Variants in C7 observed in about 807,000 individuals in gnomAD.
C7 encodes the protein complement component C7.
Under a neutral mutation model 104.8 loss-of-function variants are expected in C7, and 83 were observed. That is an observed-to-expected ratio of 0.79 (90% CI 0.66 to 0.95). C7 has a LOEUF of 0.95. Ranked by LOEUF, C7 falls within the 40% of genes least tolerant of loss-of-function variation. C7 has a pLI of 0.00. For synonymous variants in C7, 415 were observed against 360.6 expected (o/e 1.15, Z -1.71); for missense variants, 1,070 against 1,011.2 (o/e 1.06, Z -0.79).
At chr5:40,921,445 T>G (rs1739436292) in intron 1 of C7, among the ~76,000 whole-genome samples, 1 of 151,890 alleles carries the variant, frequency 6.6e-6, no homozygotes. Context: ...TTCACAGACA[T>G]AGAAAAAATT....
At chr5:40,920,031 A>G (rs1010479147) in intron 1 of C7, among the ~76,000 whole-genome samples, 2 of 152,136 alleles carry the variant, frequency 1.3e-5, no homozygotes, top group African/African-American at 4.8e-5. Context: ...AAACAATACA[A>G]AAGATAGATA....
rs543900952 is a variant in C7 at position 40,983,971 on chromosome 5, G to C, written c.*2398G>C. 1.3e-5 allele frequency among the ~76,000 whole-genome samples: 2 copies of C among 152,238 alleles called. No homozygotes were observed. Among genetic ancestry groups the C allele is most frequent in the East Asian group, 3.9e-4 (2 of 5,152 alleles). ...GGAACAGACAAAGAGAAGGAAATTGGCTGGTGCATTAATCATCACTAGCTT... is the reference window on the plus strand; with the variant it reads ...GGAACAGACAAAGAGAAGGAAATTGCCTGGTGCATTAATCATCACTAGCTT... On this transcript the variant is annotated 3_prime_UTR_variant, in exon 18 of 18. Transcript: ENST00000313164.
chr5:40,950,176 ATTT>A, intron 9 of C7, among the ~76,000 whole-genome samples, 162 bp downstream of exon 9: 1 of 151,940 alleles, frequency 6.6e-6, no homozygotes, highest in South Asian at 2.1e-4. Flanking sequence ...CCCACTAGTT[ATTT>A]TTTCCTGATC....
chr5:40,973,057 T>C (rs1250151746), intron 15 of C7, among the ~76,000 whole-genome samples: 1 of 152,238 alleles, frequency 6.6e-6, no homozygotes, highest in Admixed American at 6.5e-5. Flanking sequence ...GAAAGCATTT[T>C]CATTTAACAC....
chr5:40,930,277 C>A (rs914548712), intron 2 of C7, among the ~76,000 whole-genome samples: 1 of 141,382 alleles, frequency 7.1e-6, no homozygotes, highest in East Asian at 2.1e-4. Context: ...GCAATCTCAG[C>A]TCACTGCAAC....
chr5:40,913,956 G>T (rs1739263377), intron 1 of C7, among the ~76,000 whole-genome samples: 1 of 152,168 alleles, frequency 6.6e-6, no homozygotes. Flanking sequence ...TGGGATTACA[G>T]GCGTGAGTCA....
At chr5:40,920,511 GA>G (rs1732747444) in intron 1 of C7, among the ~76,000 whole-genome samples, 2 of 141,182 alleles carry the variant, frequency 1.4e-5, no homozygotes. Flanking sequence ...TAAAAAGATT[GA>G]ATCTGTAATA....
At chr5:40,925,490 CT>C (rs1739532722) in intron 1 of C7, among the ~76,000 whole-genome samples, 3 of 152,300 alleles carry the variant, frequency 2.0e-5, no homozygotes, top group Admixed American at 1.3e-4. Context: ...ATTTTTCTAT[CT>C]TCTTTGGAGC....
At chr5:40,970,865 C>G (rs561756875) in intron 14 of C7, among the ~76,000 whole-genome samples, 1 of 152,118 alleles carries the variant, frequency 6.6e-6, no homozygotes, top group Non-Finnish European at 1.5e-5. Flanking sequence ...ATTTTCTGTT[C>G]CTGTGTTAGT....
At chr5:40,924,325 C>A (rs1023418274) in intron 1 of C7, among the ~76,000 whole-genome samples, 1 of 152,192 alleles carries the variant, frequency 6.6e-6, no homozygotes, top group African/African-American at 2.4e-5. Flanking sequence ...GGACATACTG[C>A]TGTGAGGGGT....
chr5:40,921,626 T>C lies in C7; in HGVS notation c.7-6954T>C, dbSNP rs565974435. 3.3e-5 allele frequency among the ~76,000 whole-genome samples: 5 copies of C among 151,270 alleles called. No homozygotes were observed. In the East Asian group the frequency reaches 5.8e-4, roughly 18 times the overall value. On this transcript the variant is annotated intron_variant, in intron 1 of 17. Coordinates refer to ENST00000313164, the MANE Select transcript of C7 (RefSeq NM_000587.4). ...TATACAAAAAAAAAAAGTAGTATGC[T>C]AACAAAAATAGCATACTACTGTCCT... is the stretch of plus-strand genomic sequence containing the variant.
chr5:40,962,326 CT>C lies in C7; in HGVS notation c.1749+161del, dbSNP rs1449735288. On this transcript the variant is annotated intron_variant, in intron 13 of 17. Transcript: ENST00000313164. ...TAGTGGTGAGGGTTTTAGTGTGTGA[CT>C]TTTTTTCTTTGGCCCAAGGTGATGT... is the stretch of plus-strand genomic sequence containing the variant. Among the ~76,000 whole-genome samples, 6 of 152,088 alleles carry C rather than the reference CT, an allele frequency of 3.9e-5. No homozygotes were observed. In the East Asian group the frequency reaches 5.8e-4, roughly 15 times the overall value.
rs1483482246 is a variant in C7 at position 40,934,449 on chromosome 5, G to GTTTCAGGTGCT, written c.272_280+2dup. ...CCAACAGAGGAGGGATGTGGAGAGC[G>GTTTCAGGTGCT]TTTCAGGTGCTTTTCAGGTAACTTG... On this transcript the variant is annotated frameshift_variant, in exon 4 of 18. Transcript: ENST00000313164. LOFTEE classifies it high-confidence loss of function. The GTTTCAGGTGCT allele has an allele frequency of 6.2e-7, 1 of 1,613,596 alleles. No homozygotes were observed. Among genetic ancestry groups the GTTTCAGGTGCT allele is most frequent in the African/African-American group, 1.3e-5 (1 of 74,908 alleles).
rs1455169861 is a variant in C7 at position 40,922,480 on chromosome 5, T to C, written c.7-6100T>C. Among the ~76,000 whole-genome samples, 5 of 148,344 alleles carry C rather than the reference T, an allele frequency of 3.4e-5. No individual in the cohort carries two copies. The East Asian group carries it at 1.0e-3, about 30-fold the overall frequency. ...ACTTTGGGAGGCTGAGGTGGGCGGA[T>C]CATGAAGTTAGGAGTTTGAGACCAG... On this transcript the variant is annotated intron_variant, in intron 1 of 17. Transcript: ENST00000313164.
intron 10 of C7, among the ~76,000 whole-genome samples, chr5:40,957,007 G>A (rs1740302545): frequency 6.6e-6 from 1 of 152,108 alleles, no homozygotes; most frequent in Non-Finnish European, 1.5e-5. Flanking sequence ...TTTTAGCAGG[G>A]CAAAAAAGGA....
chr5:40,962,201 T>C (rs770132510), intron 13 of C7, 29 bp downstream of exon 13: 1 of 1,299,776 alleles, frequency 7.7e-7, no homozygotes, highest in Non-Finnish European at 1.1e-6. Context: ...TTTTTTCCTT[T>C]ATAATGCTCT....
rs1375174874 is a variant in C7 at position 40,938,056 on chromosome 5, AT to A, written c.567+370del. 5.9e-5 allele frequency among the ~76,000 whole-genome samples: 9 copies of A among 152,254 alleles called. No homozygotes were observed. In the South Asian group the frequency reaches 1.7e-3, roughly 28 times the overall value. Reference sequence around the variant, plus strand: ...GTGTCAGCTCACTTAAAATGCTTTTATTTTAAAATTGTGAACTATTTCATAT... The same window carrying A: ...GTGTCAGCTCACTTAAAATGCTTTTATTTAAAATTGTGAACTATTTCATAT... On this transcript the variant is annotated intron_variant, in intron 6 of 17. Transcript: ENST00000313164.
At chr5:40,955,020 G>A (rs62357064) in intron 9 of C7, 2,528 of 227,346 alleles carry the variant, frequency 0.011, 22 homozygotes, top group Non-Finnish European at 0.017. Context: ...TCCCACACAG[G>A]CAAAGCCTTC....
At position 40,982,175 on chromosome 5, in the gene C7, A is replaced by T. The variant is rs1441284630; in HGVS notation, c.*602A>T. ...TTTAATTTTTTTAAGACAGAGTCTC[A>T]CTTTGTTGCCCAGGCTGGAGCGCAG... On this transcript the variant is annotated 3_prime_UTR_variant, in exon 18 of 18. Coordinates refer to ENST00000313164, the MANE Select transcript of C7 (RefSeq NM_000587.4). 6.6e-6 allele frequency: 1 copy of T among 152,030 alleles called. No homozygotes were observed. The highest frequency in any genetic ancestry group is 2.4e-5 in the African/African-American group (1 of 41,390). The allele number at this position is 152,030 out of a possible 1,614,324, so 9.4% of individuals were successfully genotyped here.
Sources: allele counts gnomAD v4.1 joint callset (sites outside exome capture counted in the v4.1 genomes callset), GRCh38; gene constraint gnomAD v4.1.1; transcripts MANE v1.5; gene names NCBI Gene and HGNC (gene_info 2026-07-23, HGNC 2026-07-21).